SEL1L3: variants seen among roughly 807,000 people sequenced by gnomAD.
SEL1L3 encodes protein sel-1 homolog 3.
SEL1L3 carries 76 observed loss-of-function variants against 142.8 expected under a neutral mutation model. The observed-to-expected ratio is 0.53, with a 90% CI of 0.44 to 0.64. SEL1L3 has a LOEUF of 0.64. Among genes scored for constraint, SEL1L3 ranks in the 30% least tolerant of loss-of-function variants. The pLI, the probability that SEL1L3 is intolerant of heterozygous loss-of-function variation, is 0.00. For synonymous variants in SEL1L3, 504 were observed against 519.6 expected (o/e 0.97, Z 0.41); for missense variants, 1,262 against 1,381.7 (o/e 0.91, Z 1.37).
chr4:25,831,510 A>AATAATTATT lies in SEL1L3; in HGVS notation c.1099-1355_1099-1354insAATAATTAT, dbSNP rs1439018406. Reference sequence around the variant, plus strand: ...ATTTTTAAATAATAATAATAATAATAATTATTATTATTATTATTATTATTA... The same window carrying AATAATTATT: ...ATTTTTAAATAATAATAATAATAATAATAATTATTATTATTATTATTATTATTATTATTA... On this transcript the variant is annotated intron_variant, in intron 5 of 23. Transcript: ENST00000399878. Among the ~76,000 whole-genome samples, 12 of 122,598 alleles carry AATAATTATT rather than the reference A, an allele frequency of 9.8e-5. No individual in the cohort carries two copies. In the East Asian group the frequency reaches 2.9e-3, roughly 30 times the overall value. 80.4% of individuals were successfully genotyped at this position (122,598 alleles called of 152,430 possible).
In SEL1L3 at chr4:25,788,569, C is replaced by CGTGTGTGTGTGTGT. The variant is rs58435041; in HGVS notation, c.2077-219_2077-206dup. 4.3e-5 allele frequency among the ~76,000 whole-genome samples: 6 copies of CGTGTGTGTGTGTGT among 139,954 alleles called. No individual in the cohort carries two copies. The highest frequency in any genetic ancestry group is 9.3e-5 in the Non-Finnish European group (6 of 64,318). The allele number at this position is 139,954 out of a possible 152,430, so 91.8% of individuals were successfully genotyped here. A position where few individuals can be genotyped will look rare whatever the true frequency, so the allele number is the denominator to read the frequency against. On this transcript the variant is annotated intron_variant, in intron 12 of 23. Coordinates refer to ENST00000399878, the MANE Select transcript of SEL1L3 (RefSeq NM_015187.5). This position sits in a 1 kb window ranked among gnomAD's most constrained non-coding sequence, Gnocchi z 5.3. ...CCCTTAATGCAAGCCAGAAATGGTTCGTGTGTGTGTGTGTGTGTGTGTGTG... is the reference window on the plus strand; with the variant it reads ...CCCTTAATGCAAGCCAGAAATGGTTCGTGTGTGTGTGTGTGTGTGTGTGTGTGTGTGTGTGTGTG...
chr4:25,844,662 C>A (rs1716395209), intron 2 of SEL1L3, among the ~76,000 whole-genome samples: 1 of 152,198 alleles, frequency 6.6e-6, no homozygotes, highest in Non-Finnish European at 1.5e-5. Flanking sequence ...ATTCTTCAAT[C>A]AGAAATACAT....
At chr4:25,759,298 C>T (rs567651124) in intron 20 of SEL1L3, 29 of 473,492 alleles carry the variant, frequency 6.1e-5, no homozygotes, top group African/African-American at 2.5e-4. Flanking sequence ...CCATCTGCTC[C>T]GAAGCCAGTC....
At chr4:25,765,457 T>A in intron 19 of SEL1L3, 22 bp from the exon 20 acceptor site, 1 of 1,512,848 alleles carries the variant, frequency 6.6e-7, no homozygotes, top group Non-Finnish European at 9.2e-7. Flanking sequence ...AAAGCACAGA[T>A]CCATTTGTCA....
At chr4:25,853,324 CA>C (rs989970819) in intron 1 of SEL1L3, among the ~76,000 whole-genome samples, 3 of 152,104 alleles carry the variant, frequency 2.0e-5, no homozygotes, top group Non-Finnish European at 4.4e-5. Flanking sequence ...AATTCTGTTT[CA>C]AAAAAACTCT....
intron 20 of SEL1L3, among the ~76,000 whole-genome samples, chr4:25,762,578 A>AT (rs1369690859): frequency 1.3e-5 from 2 of 152,242 alleles, no homozygotes; most frequent in African/African-American, 4.8e-5. Flanking sequence ...AGCTTAAGAA[A>AT]TTATAATGTA....
chr4:25,758,651 T>C (rs903075763), intron 21 of SEL1L3, among the ~76,000 whole-genome samples: 1 of 151,788 alleles, frequency 6.6e-6, no homozygotes, highest in African/African-American at 2.4e-5. Context: ...AAGAAAATCC[T>C]GGGCTTTTTC....
intron 2 of SEL1L3, among the ~76,000 whole-genome samples, chr4:25,840,884 T>C (rs944340151): frequency 2.0e-5 from 3 of 152,170 alleles, no homozygotes; most frequent in African/African-American, 4.8e-5. Context: ...GCCTGTGAGA[T>C]GAAGCCCTTG....
At chr4:25,727,676 G>T in the SEL1L3 span, among the ~76,000 whole-genome samples, 1 of 152,086 alleles carries the variant, frequency 6.6e-6, no homozygotes, top group East Asian at 1.9e-4. Context: ...TGTGAGTCTG[G>T]CATTTACAAT....
chr4:25,775,772 T>C (rs1398366100), intron 17 of SEL1L3, among the ~76,000 whole-genome samples: 1 of 152,186 alleles, frequency 6.6e-6, no homozygotes, highest in East Asian at 1.9e-4. Flanking sequence ...ATCTGTTTGT[T>C]TGTGCCATTG....
At chr4:25,858,716 G>T (rs1419578845) in intron 1 of SEL1L3, among the ~76,000 whole-genome samples, 1 of 152,058 alleles carries the variant, frequency 6.6e-6, no homozygotes, top group Admixed American at 6.6e-5. Context: ...CTCCCAAGTA[G>T]CTGGGATTAT....
intron 1 of SEL1L3, among the ~76,000 whole-genome samples, chr4:25,854,184 G>A (rs886196471): frequency 6.6e-6 from 1 of 152,180 alleles, no homozygotes; most frequent in African/African-American, 2.4e-5. Context: ...TAACTGAATG[G>A]GTGTGGCCGT....
intron 2 of SEL1L3, among the ~76,000 whole-genome samples, chr4:25,845,790 G>A (rs1320924773): frequency 1.3e-5 from 2 of 152,170 alleles, no homozygotes; most frequent in African/African-American, 4.8e-5. Context: ...CACTTCCTGT[G>A]GAAGGGTCTG....
At chr4:25,825,387 A>C (rs1482169039) in intron 6 of SEL1L3, among the ~76,000 whole-genome samples, 1 of 152,226 alleles carries the variant, frequency 6.6e-6, no homozygotes, top group African/African-American at 2.4e-5. Context: ...AGACTCTTCC[A>C]AAGCCCAAGC....
chr4:25,750,968 T>A (rs1044344340), intron 23 of SEL1L3, among the ~76,000 whole-genome samples: 1 of 152,242 alleles, frequency 6.6e-6, no homozygotes, highest in African/African-American at 2.4e-5. Flanking sequence ...AATCTTGCTC[T>A]ATATGGTGTA....
At chr4:25,825,626 C>T (rs941165709) in intron 6 of SEL1L3, among the ~76,000 whole-genome samples, 2 of 149,884 alleles carry the variant, frequency 1.3e-5, no homozygotes, top group Non-Finnish European at 3.0e-5. Context: ...GAGTAACCAT[C>T]ATCTTACAAG....
chr4:25,791,557 A>T (rs1479220103), intron 11 of SEL1L3, among the ~76,000 whole-genome samples: 1 of 152,228 alleles, frequency 6.6e-6, no homozygotes, highest in Non-Finnish European at 1.5e-5. Context: ...AAGCCATGCC[A>T]CAGGCAGATG....
intron 17 of SEL1L3, among the ~76,000 whole-genome samples, chr4:25,772,223 A>T (rs997245213): frequency 6.6e-6 from 1 of 152,218 alleles, no homozygotes; most frequent in Non-Finnish European, 1.5e-5. Context: ...TGTCCCAAAT[A>T]TCTTTTGAAA....
At chr4:25,742,108 G>A in the SEL1L3 span, among the ~76,000 whole-genome samples, 4 of 152,072 alleles carry the variant, frequency 2.6e-5, no homozygotes, top group East Asian at 1.9e-4. Context: ...CACCGTGCCC[G>A]GCCAAATCTT....
Sources: gnomAD v4.1 joint callset for allele counts (sites outside exome capture counted in the v4.1 genomes callset) on GRCh38, gnomAD v4.1.1 for gene constraint, Gnocchi (gnomAD v3.1) non-coding constraint, MANE v1.5 for transcripts, NCBI Gene and HGNC (gene_info 2026-07-23, HGNC 2026-07-21) for gene names.